Variants in IZUMO3 observed in about 807,000 individuals in gnomAD.
The protein encoded by IZUMO3 is IZUMO family member 3.
In IZUMO3, 36 loss-of-function variants were observed where a neutral mutation model predicts 28.4. The observed-to-expected ratio is 1.27, with a 90% CI of 0.97 to 1.67. The LOEUF is 1.67. Among genes scored for constraint, IZUMO3 ranks in the 40% most tolerant of loss-of-function variants. The pLI, the probability that IZUMO3 is intolerant of heterozygous loss-of-function variation, is 0.00. For synonymous variants in IZUMO3, 126 were observed against 99.2 expected, an observed-to-expected ratio of 1.27 and a Z score of -1.61; for missense variants, 387 against 278.5, an observed-to-expected ratio of 1.39 and a Z score of -2.77.
chr9:24,544,336 T>A, intron 4 of IZUMO3, 55 bp from the exon 5 acceptor site: 1 of 1,203,240 alleles, frequency 8.3e-7, no homozygotes, highest in Non-Finnish European at 1.2e-6. Context: ...CGAGGGTTCC[T>A]TAGTCATACA....
chr9:24,544,175 A>C (rs1170774790), intron 5 of IZUMO3, 26 bp downstream of exon 5: 4 of 1,500,402 alleles, frequency 2.7e-6, no homozygotes, highest in Non-Finnish European at 3.6e-6. Context: ...TGTCCCTTCA[A>C]AATTCCATAC....
At chr9:24,543,418 C>G in intron 6 of IZUMO3, 51 bp from the exon 7 acceptor site, 1 of 287,198 alleles carries the variant, frequency 3.5e-6, no homozygotes, top group Non-Finnish European at 5.5e-6. Flanking sequence ...TAGCCCCATT[C>G]TTTAAGCCAG....
At chr9:24,545,156 A>G (rs949815555) in intron 2 of IZUMO3, 56 bp downstream of exon 2, 3 of 1,520,360 alleles carry the variant, frequency 2.0e-6, no homozygotes, top group African/African-American at 1.4e-5. Context: ...CCCCAGCCAA[A>G]TTTTCTGAGG....
At chr9:24,543,461 T>TTTTTTTTTTTTG in intron 6 of IZUMO3, 94 bp from the exon 7 acceptor site, 3 of 925,828 alleles carry the variant, frequency 3.2e-6, no homozygotes, top group Non-Finnish European at 2.9e-6. Context: ...TTTTTTTTTT[T>TTTTTTTTTTTTG]TTTTTTTTTT....
intron 5 of IZUMO3, 121 bp from the exon 6 acceptor site, chr9:24,543,875 G>T (rs983075809): frequency 7.1e-5 from 48 of 677,000 alleles, no homozygotes; most frequent in Non-Finnish European, 8.5e-5. Flanking sequence ...CTTCATCACT[G>T]TTCCATGCTT....
At position 24,544,143 on chromosome 9, in the gene IZUMO3, A is replaced by G. The variant is rs938075922; in HGVS notation, c.490+58T>C. 9.3e-6 allele frequency: 11 copies of G among 1,176,966 alleles called. No individual in the cohort carries two copies. In the Middle Eastern group the frequency reaches 5.8e-4, roughly 62 times the overall value. The allele number at this position is 1,176,966 out of a possible 1,614,324, so 72.9% of individuals were successfully genotyped here. A position where few individuals can be genotyped will look rare whatever the true frequency, so the allele number is the denominator to read the frequency against. On this transcript the variant is annotated intron_variant, in intron 5 of 6. Coordinates refer to ENST00000543880, the MANE Select transcript of IZUMO3 (RefSeq NM_001365008.2). ...CAAATACATGTAGAATAAATCAGTG[A>G]GCAACCCTGCTCCTTAATCCCTGTC...
In IZUMO3 at chr9:24,545,408, C is replaced by T. The variant is rs770951831; in HGVS notation, c.226+16G>A. The T allele has an allele frequency of 1.3e-6, 2 of 1,542,780 alleles. No homozygotes were observed. The highest frequency in any genetic ancestry group is 1.4e-5 in the African/African-American group (1 of 73,020). On this transcript the variant is annotated intron_variant, in intron 1 of 6. Transcript: ENST00000543880. ...GTTTAAGCCCCTGGACTCTCAGGAA[C>T]TCAAGCTTCCCTCACCCAACACCCG...
At position 24,545,854 on chromosome 9, in the gene IZUMO3, C is replaced by G; in HGVS notation, c.-205G>C. On this transcript the variant is annotated 5_prime_UTR_variant, in exon 1 of 7. Transcript: ENST00000543880. Reference sequence around the variant, plus strand: ...TGTTTACTGACTATTATCCTTCATTCTAGGAGAGGGAACTGCCAGCTGGGG... The same window carrying G: ...TGTTTACTGACTATTATCCTTCATTGTAGGAGAGGGAACTGCCAGCTGGGG... 2 of 1,528,802 alleles carry G rather than the reference C, an allele frequency of 1.3e-6. No homozygotes were observed. The highest frequency in any genetic ancestry group is 1.2e-5 in the South Asian group (1 of 82,960). 94.7% of individuals were successfully genotyped at this position (1,528,802 alleles called of 1,614,324 possible).
Position 24,545,592 on chromosome 9 carries a change from C to G in IZUMO3, c.58G>C (p.Gly20Arg). 1 of 1,535,380 alleles carries G rather than the reference C, an allele frequency of 6.5e-7. No individual in the cohort carries two copies. The highest frequency in any genetic ancestry group is 8.7e-7 in the Non-Finnish European group (1 of 1,146,698). ...LPLSAFHGVK[G>R]CLECDPKFIE... ...AATTTGGGGTCACATTCTAAACAGC[C>G]TTTGACTCCATGGAAGGCTGAGAGG... Residue 20 changes from glycine to arginine, a missense_variant, in exon 1 of 7, where the codon GGC becomes CGC. Transcript: ENST00000543880.
At chr9:24,544,345 C>T (rs962945806) in intron 4 of IZUMO3, 64 bp from the exon 5 acceptor site, 2 of 1,123,842 alleles carry the variant, frequency 1.8e-6, no homozygotes, top group Non-Finnish European at 2.6e-6. Flanking sequence ...CTTAGTCATA[C>T]ATCAAGTGTG....
intron 6 of IZUMO3, 109 bp downstream of exon 6, chr9:24,543,555 T>G: frequency 1.1e-6 from 1 of 911,980 alleles, no homozygotes; most frequent in Non-Finnish European, 1.6e-6. Context: ...TCCCAGAATT[T>G]AAAATGACTT....
At chr9:24,543,435 A>ATTTTTT (rs1563907522) in intron 6 of IZUMO3, 68 bp from the exon 7 acceptor site, 3 of 75,508 alleles carry the variant, frequency 4.0e-5, no homozygotes, top group Admixed American at 3.1e-4. Flanking sequence ...CCAGTTATAC[A>ATTTTTT]TTGTTTTTTT....
chr9:24,545,068 G>A lies in IZUMO3; in HGVS notation c.302-7C>T, dbSNP rs1047103890. The A allele has an allele frequency of 3.9e-6, 6 of 1,529,186 alleles. No homozygotes were observed. Among genetic ancestry groups the A allele is most frequent in the African/African-American group, 2.8e-5 (2 of 72,574 alleles). The allele number at this position is 1,529,186 out of a possible 1,614,324, so 94.7% of individuals were successfully genotyped here. ...CCTTGATAGATAAAGACACCTAAGA[G>A]GGAGTGGAAGGGGTGTCAAAAAATA... On this transcript the variant is annotated splice_polypyrimidine_tract_variant and splice_region_variant and intron_variant, in intron 2 of 6. Transcript: ENST00000543880.
rs141821192 is a variant in IZUMO3 at position 24,545,437 on chromosome 9, C to G, written c.213G>C (p.Arg71Ser). 4.1e-4 allele frequency: 637 copies of G among 1,539,192 alleles called. 3 individuals carry two copies. In the African/African-American group the frequency reaches 7.9e-3, roughly 19 times the overall value. The change falls in exon 1 of 7, where the codon AGG becomes AGC. Residue 71 changes from arginine (R) to serine (S), a missense_variant. Physicochemically the swap from Arg to Ser is moderately radical, Grantham distance 110 (BLOSUM62 -1). Coordinates refer to ENST00000543880, the MANE Select transcript of IZUMO3 (RefSeq NM_001365008.2). The part of the protein sequence containing the change: ...LSFKVSHSDK[R>S]LRVLAVQQVV... ...AGCTTCCCTCACCCAACACCCGAAGCCTCTTGTCACTGTGGGAGACCTTGA... is the reference window on the plus strand; with the variant it reads ...AGCTTCCCTCACCCAACACCCGAAGGCTCTTGTCACTGTGGGAGACCTTGA...
chr9:24,543,806 G>T, intron 5 of IZUMO3, 52 bp from the exon 6 acceptor site: 1 of 1,164,948 alleles, frequency 8.6e-7, no homozygotes, highest in Non-Finnish European at 1.3e-6. Flanking sequence ...AAGAGAAATA[G>T]CTTGTGACAT....
chr9:24,543,893 C>T, intron 5 of IZUMO3, 139 bp from the exon 6 acceptor site: 2 of 651,304 alleles, frequency 3.1e-6, no homozygotes, highest in Admixed American at 2.7e-5. Flanking sequence ...CTTATTTTGA[C>T]CTTTATTACT....
At chr9:24,545,112 A>T (rs1030220303) in intron 2 of IZUMO3, 51 bp from the exon 3 acceptor site, 1 of 1,476,870 alleles carries the variant, frequency 6.8e-7, no homozygotes, top group African/African-American at 1.4e-5. Flanking sequence ...TCTTCCCTTC[A>T]GAAGTTAATT....
At chr9:24,544,792 TA>T (rs1233900317) in intron 3 of IZUMO3, 32 bp from the exon 4 acceptor site, 9 of 1,547,284 alleles carry the variant, frequency 5.8e-6, no homozygotes, top group South Asian at 1.2e-5. Flanking sequence ...CTAATGAGTT[TA>T]AAACCAGCTA....
Position 24,543,166 on chromosome 9 carries a change from G to T in IZUMO3, c.*63C>A. ...TGACCAAGAAAGGGTTTACCTCCCA[G>T]TTTTGTACTTAGAGTCAACACTTAA... On this transcript the variant is annotated 3_prime_UTR_variant, in exon 7 of 7. Coordinates refer to ENST00000543880, the MANE Select transcript of IZUMO3 (RefSeq NM_001365008.2). 2 of 1,354,608 alleles carry T rather than the reference G, an allele frequency of 1.5e-6. No individual in the cohort carries two copies. The highest frequency in any genetic ancestry group is 2.0e-6 in the Non-Finnish European group (2 of 1,016,408). The allele number at this position is 1,354,608 out of a possible 1,614,324, so 83.9% of individuals were successfully genotyped here.
Sources: allele counts gnomAD v4.1 joint callset, GRCh38; gene constraint gnomAD v4.1.1; transcripts MANE v1.5; gene names NCBI Gene and HGNC (gene_info 2026-07-23, HGNC 2026-07-21).